The following SLC35F1 variants were observed in gnomAD, a reference collection of about 807,000 sequenced individuals.
The protein encoded by SLC35F1 is chromosome 6 open reading frame 169.
A neutral mutation model predicts 48.7 loss-of-function variants in SLC35F1; 14 were observed. That is an observed-to-expected ratio of 0.29 (90% CI 0.19 to 0.45). The LOEUF (loss-of-function observed/expected upper bound fraction) is 0.45. SLC35F1 is among the 20% of genes least tolerant of loss of function. SLC35F1 has a pLI of 1.00. For missense variants in SLC35F1, 404 were observed against 500.0 expected (o/e 0.81, Z 1.83); for synonymous variants, 190 against 202.2 (o/e 0.94, Z 0.51).
At chr6:118,192,703 T>C (rs1190074678) in intron 2 of SLC35F1, among the ~76,000 whole-genome samples, 2 of 152,184 alleles carry the variant, frequency 1.3e-5, no homozygotes, top group African/African-American at 4.8e-5. Context: ...ATTGATGGTA[T>C]ACACTAAAAT....
chr6:118,035,171 T>C (rs1772108197), intron 1 of SLC35F1, among the ~76,000 whole-genome samples: 1 of 152,206 alleles, frequency 6.6e-6, no homozygotes, highest in African/African-American at 2.4e-5. Flanking sequence ...TGGCATAAAA[T>C]TGTTCTTAGT....
intron 1 of SLC35F1, among the ~76,000 whole-genome samples, chr6:118,135,432 G>T (rs1382377484): frequency 6.6e-6 from 1 of 152,174 alleles, no homozygotes; most frequent in Non-Finnish European, 1.5e-5. Flanking sequence ...TTAACAAAAA[G>T]ATGCATGTGA....
chr6:118,233,568 C>T (rs925792365), intron 2 of SLC35F1, among the ~76,000 whole-genome samples: 1 of 152,148 alleles, frequency 6.6e-6, no homozygotes, highest in African/African-American at 2.4e-5. Flanking sequence ...GATTCATTCA[C>T]TCCAAAACAC....
At chr6:117,972,746 GTCCC>G (rs1776659054) in intron 1 of SLC35F1, among the ~76,000 whole-genome samples, 1 of 152,036 alleles carries the variant, frequency 6.6e-6, no homozygotes, top group African/African-American at 2.4e-5. Context: ...CTCCCACTGG[GTCCC>G]TCCCATGACA....
chr6:118,164,868 G>T (rs917939635), intron 2 of SLC35F1, among the ~76,000 whole-genome samples: 1 of 152,160 alleles, frequency 6.6e-6, no homozygotes, highest in Non-Finnish European at 1.5e-5. Context: ...AGTCATTTTA[G>T]ATATTTTCTT....
chr6:118,196,287 T>G (rs1003225264), intron 2 of SLC35F1, among the ~76,000 whole-genome samples: 1 of 152,234 alleles, frequency 6.6e-6, no homozygotes, highest in Non-Finnish European at 1.5e-5. Flanking sequence ...CTTGTCTACC[T>G]ATTAAGTTAG....
rs574914380 is a variant in SLC35F1, at chr6:117,970,270, C to G, written c.173+62371C>G. Among the ~76,000 whole-genome samples, 5 of 152,314 alleles carry G rather than the reference C, an allele frequency of 3.3e-5. No individual in the cohort carries two copies. In the South Asian group the frequency reaches 6.2e-4, roughly 19 times the overall value. ...AACTTACTCGATCTTTAGGAGCTCT[C>G]CTGACTATAGTGATGATAAGAACTA... On this transcript the variant is annotated intron_variant, in intron 1 of 7. Transcript: ENST00000360388.
chr6:118,208,872 G>C (rs985887076), intron 2 of SLC35F1, among the ~76,000 whole-genome samples: 1 of 152,088 alleles, frequency 6.6e-6, no homozygotes. Context: ...CTGCCCTTCT[G>C]TCTTCCACCC....
chr6:117,919,093 C>G (rs893534291), intron 1 of SLC35F1, among the ~76,000 whole-genome samples: 4 of 151,822 alleles, frequency 2.6e-5, no homozygotes, highest in Non-Finnish European at 5.9e-5. Flanking sequence ...AGATGTTGGT[C>G]TTGCAATGTT....
rs546732591 is a variant in SLC35F1, at chr6:118,199,932, C to T, written c.350-35577C>T. 3.9e-5 allele frequency among the ~76,000 whole-genome samples: 6 copies of T among 152,212 alleles called. No homozygotes were observed. In the South Asian group the frequency reaches 6.2e-4, roughly 16 times the overall value. On this transcript the variant is annotated intron_variant, in intron 2 of 7. Coordinates refer to ENST00000360388, the MANE Select transcript of SLC35F1 (RefSeq NM_001029858.4). ...TATTAAATGTTTCAAATAAATTGTA[C>T]ATTTGACAACTAAATCTTTTTAAAA...
chr6:117,957,058 G>T (rs1246986714), intron 1 of SLC35F1, among the ~76,000 whole-genome samples: 2 of 152,060 alleles, frequency 1.3e-5, no homozygotes, highest in African/African-American at 4.8e-5. Context: ...CATGTGCTTG[G>T]TGGGCATCTC....
At chr6:118,221,852 A>G (rs1775155688) in intron 2 of SLC35F1, among the ~76,000 whole-genome samples, 1 of 152,204 alleles carries the variant, frequency 6.6e-6, no homozygotes, top group Non-Finnish European at 1.5e-5. Flanking sequence ...GTGTGTTTTT[A>G]AAAGAACTTA....
At position 118,067,009 on chromosome 6, in the gene SLC35F1, G is replaced by C. The variant is rs984063223; in HGVS notation, c.174-87436G>C. ...TGATTTTGGTCCACTGTTTAACATTGCTCTTTGAGAAACACTGAACTAGGG... is the reference window on the plus strand; with the variant it reads ...TGATTTTGGTCCACTGTTTAACATTCCTCTTTGAGAAACACTGAACTAGGG... On this transcript the variant is annotated intron_variant, in intron 1 of 7. Transcript: ENST00000360388. Among the ~76,000 whole-genome samples, 5 of 152,104 alleles carry C rather than the reference G, an allele frequency of 3.3e-5. No individual in the cohort carries two copies. The East Asian group carries it at 9.6e-4, about 29-fold the overall frequency.
chr6:118,124,781 G>C (rs1431434174), intron 1 of SLC35F1, among the ~76,000 whole-genome samples: 1 of 152,012 alleles, frequency 6.6e-6, no homozygotes, highest in Admixed American at 6.6e-5. Context: ...AACACTTCAG[G>C]AAATTCCATA....
chr6:118,035,614 C>CACAAAAAAAAAACAACAACAACAAA (rs1198914709), intron 1 of SLC35F1, among the ~76,000 whole-genome samples: 2 of 125,100 alleles, frequency 1.6e-5, no homozygotes, highest in Non-Finnish European at 3.4e-5. Context: ...AACTCCGTCT[C>CACAAAAAAAAAACAACAACAACAAA]ACAAAAAAAA....
Position 118,314,313 on chromosome 6 carries a change from T to G in SLC35F1, c.*61T>G. 8 of 1,447,438 alleles carry G rather than the reference T, an allele frequency of 5.5e-6. No individual in the cohort carries two copies. The highest frequency in any genetic ancestry group is 7.7e-6 in the Non-Finnish European group (8 of 1,034,474). The allele number at this position is 1,447,438 out of a possible 1,614,324, so 89.7% of individuals were successfully genotyped here. A position where few individuals can be genotyped will look rare whatever the true frequency, so the allele number is the denominator to read the frequency against. On this transcript the variant is annotated 3_prime_UTR_variant, in exon 8 of 8. Transcript: ENST00000360388. Reference sequence around the variant, plus strand: ...TGGCCATGTTTTTGCCCATCATCTCTGTATTGTACATAGAGAAAGGTATTT... The same window carrying G: ...TGGCCATGTTTTTGCCCATCATCTCGGTATTGTACATAGAGAAAGGTATTT...
chr6:118,291,845 C>G (rs1413439159), intron 7 of SLC35F1, among the ~76,000 whole-genome samples: 1 of 152,000 alleles, frequency 6.6e-6, no homozygotes, highest in East Asian at 1.9e-4. Flanking sequence ...TGGCTGGGCA[C>G]GGTGGCACAC....
chr6:118,064,661 AT>A (rs1269472025), intron 1 of SLC35F1, among the ~76,000 whole-genome samples: 1 of 152,176 alleles, frequency 6.6e-6, no homozygotes, highest in African/African-American at 2.4e-5. Context: ...GGGTGCTTAG[AT>A]TTCAGACTTA....
intron 3 of SLC35F1, among the ~76,000 whole-genome samples, chr6:118,266,787 G>A (rs1003435437): frequency 6.6e-6 from 1 of 152,098 alleles, no homozygotes; most frequent in Admixed American, 6.6e-5. Context: ...TTAAAGTTTG[G>A]GGGATGTTTA....
Sources: gnomAD v4.1 joint callset for allele counts (sites outside exome capture counted in the v4.1 genomes callset) on GRCh38, gnomAD v4.1.1 for gene constraint, MANE v1.5 for transcripts, NCBI Gene and HGNC (gene_info 2026-07-23, HGNC 2026-07-21) for gene names.